USP14: variants seen among roughly 807,000 people sequenced by gnomAD.
USP14 encodes the protein ubiquitin specific peptidase 14, also known as ubiquitin carboxyl-terminal hydrolase 14.
A neutral mutation model predicts 76.5 loss-of-function variants in USP14; 38 were observed. That is an observed-to-expected ratio of 0.50 (90% CI 0.38 to 0.65). The LOEUF is 0.65. Among genes scored for constraint, USP14 ranks in the 30% least tolerant of loss-of-function variants. The pLI is 0.00. For synonymous variants in USP14, 192 were observed against 191.7 expected, an observed-to-expected ratio of 1.00 and a Z score of -0.01; for missense variants, 467 against 586.5, an observed-to-expected ratio of 0.80 and a Z score of 2.10.
At chr18:167,268 G>A (rs1348483069) in intron 3 of USP14, among the ~76,000 whole-genome samples, 3 of 152,094 alleles carry the variant, frequency 2.0e-5, no homozygotes, top group Non-Finnish European at 4.4e-5. Flanking sequence ...GCAACAGAGC[G>A]AGACTCCGTC....
intron 5 of USP14, 46 bp from the exon 6 acceptor site, chr18:192,796 A>G (rs1225204786): frequency 8.8e-6 from 14 of 1,585,504 alleles, no homozygotes; most frequent in Non-Finnish European, 1.2e-5. Context: ...TTTGAGTGTT[A>G]GAATGAATTG....
intron 10 of USP14, among the ~76,000 whole-genome samples, chr18:199,817 ATGT>A (rs1335075474): frequency 2.6e-5 from 4 of 152,228 alleles, no homozygotes; most frequent in Non-Finnish European, 5.9e-5. Context: ...GTTGATGAAA[ATGT>A]TGTGATCAAA....
rs1367262381 is a variant in USP14, at chr18:199,430, C to A, written c.876+114C>A. 4 of 706,714 alleles carry A rather than the reference C, an allele frequency of 5.7e-6. No individual in the cohort carries two copies. The African/African-American group carries it at 7.2e-5, about 13-fold the overall frequency. 43.8% of individuals were successfully genotyped at this position (706,714 alleles called of 1,614,324 possible). ...ATTTGTAGACATGTGCAGAGCAATA[C>A]GCATTTTGAGTTGCCCGATACACAC... On this transcript the variant is annotated intron_variant, in intron 10 of 15. Transcript: ENST00000261601.
chr18:176,754 G>C (rs1909638403), intron 3 of USP14, among the ~76,000 whole-genome samples: 1 of 151,938 alleles, frequency 6.6e-6, no homozygotes, highest in Admixed American at 6.6e-5. Context: ...ATTCTTTTAT[G>C]AATATTAATT....
At chr18:192,492 G>C (rs542094171) in intron 5 of USP14, among the ~76,000 whole-genome samples, 2 of 152,266 alleles carry the variant, frequency 1.3e-5, no homozygotes, top group African/African-American at 4.8e-5. Flanking sequence ...TTGAACCCAG[G>C]AGGTAGAGGT....
intron 10 of USP14, among the ~76,000 whole-genome samples, chr18:200,179 G>C (rs1415223670): frequency 1.3e-5 from 2 of 152,144 alleles, no homozygotes; most frequent in East Asian, 3.8e-4. Flanking sequence ...TTTTTCCTTA[G>C]AGATAGTTGT....
chr18:158,866 T>G, intron 1 of USP14, 152 bp downstream of exon 1: 11 of 1,169,728 alleles, frequency 9.4e-6, no homozygotes, highest in Non-Finnish European at 1.1e-5. Context: ...CCAGGCACCG[T>G]CCCCTCTCCC....
chr18:178,888 A>G (rs1909703028), intron 3 of USP14, 45 bp from the exon 4 acceptor site: 3 of 1,464,354 alleles, frequency 2.0e-6, no homozygotes, highest in Non-Finnish European at 2.8e-6. Context: ...CATAAACATT[A>G]CCAACTTTTA....
intron 3 of USP14, among the ~76,000 whole-genome samples, chr18:169,450 A>C (rs1909380586): frequency 6.6e-6 from 1 of 151,228 alleles, no homozygotes; most frequent in South Asian, 2.1e-4. Flanking sequence ...ACATTTTGTT[A>C]AGTGTTTTTT....
chr18:197,657 A>G lies in USP14; in HGVS notation c.636A>G (p.Gln212=). Residue 212 remains glutamine (Q), a synonymous_variant, in exon 8 of 16, where the codon CAA becomes CAG. Transcript: ENST00000261601. ...ECWIQMMRVL[Q]QKLEAIEDDS... ...GGATACAAATGATGCGAGTATTGCA[A>G]CAGAAATTGGAAGCAATAGAGGATG... 1 of 1,613,042 alleles carries G rather than the reference A, an allele frequency of 6.2e-7. No homozygotes were observed. The highest frequency in any genetic ancestry group is 8.5e-7 in the Non-Finnish European group (1 of 1,179,440).
intron 13 of USP14, among the ~76,000 whole-genome samples, chr18:206,035 T>G (rs1017598710): frequency 3.3e-5 from 5 of 152,154 alleles, no homozygotes; most frequent in Admixed American, 3.3e-4. Flanking sequence ...GTGTACAGGT[T>G]TTAATGTAAA....
At chr18:207,972 A>G (rs906947329) in intron 13 of USP14, among the ~76,000 whole-genome samples, 29 of 152,032 alleles carry the variant, frequency 1.9e-4, no homozygotes, top group African/African-American at 7.0e-4. Flanking sequence ...GTTTTTATCC[A>G]TTAGTGTTTT....
In USP14 at chr18:158,567, C is replaced by A; in HGVS notation, c.-132C>A. On this transcript the variant is annotated 5_prime_UTR_variant, in exon 1 of 16. Transcript: ENST00000261601. ...GCCAGTGGCCGGTTTGAATGAGACT[C>A]GTCGCACCGAAGCCGCCGCCACCAC... 1.1e-6 allele frequency: 1 copy of A among 884,352 alleles called. No individual in the cohort carries two copies. Among genetic ancestry groups the A allele is most frequent in the Non-Finnish European group, 1.7e-6 (1 of 597,160 alleles). The allele number at this position is 884,352 out of a possible 1,614,324, so 54.8% of individuals were successfully genotyped here.
At chr18:198,318 A>G (rs548327681) in intron 9 of USP14, among the ~76,000 whole-genome samples, 186 bp downstream of exon 9, 1 of 152,066 alleles carries the variant, frequency 6.6e-6, no homozygotes, top group East Asian at 1.9e-4. Context: ...ACTCACTGCA[A>G]CCTCCACCTC....
chr18:203,917 T>C (rs1001144546), intron 12 of USP14, among the ~76,000 whole-genome samples: 1 of 152,038 alleles, frequency 6.6e-6, no homozygotes, highest in African/African-American at 2.4e-5. Context: ...GCCCAAAGAG[T>C]ACTTAAATTG....
At chr18:196,167 T>C (rs1910227806) in intron 6 of USP14, among the ~76,000 whole-genome samples, 1 of 150,618 alleles carries the variant, frequency 6.6e-6, no homozygotes, top group African/African-American at 2.4e-5. Flanking sequence ...CTAAAAAAAA[T>C]GCAAAAATTA....
chr18:171,025 A>AAAAAAAAAAAAAAATAT (rs1327304974), intron 3 of USP14, among the ~76,000 whole-genome samples: 4 of 47,680 alleles, frequency 8.4e-5, no homozygotes, highest in African/African-American at 3.5e-4. Flanking sequence ...AAAAAAAAAA[A>AAAAAAAAAAAAAAATAT]ATATATATAT....
intron 5 of USP14, among the ~76,000 whole-genome samples, chr18:183,374 T>C (rs541499098): frequency 9.9e-5 from 15 of 152,012 alleles, no homozygotes; most frequent in Non-Finnish European, 1.9e-4. Context: ...GTGGGTTTTA[T>C]TTATCTTATA....
intron 13 of USP14, among the ~76,000 whole-genome samples, chr18:207,019 T>C (rs891945356): frequency 1.3e-5 from 2 of 150,306 alleles, no homozygotes; most frequent in African/African-American, 4.8e-5. Flanking sequence ...TTCAGATTCA[T>C]TGTTTTGCAT....
Sources: gnomAD v4.1 joint callset for allele counts (sites outside exome capture counted in the v4.1 genomes callset) on GRCh38, gnomAD v4.1.1 for gene constraint, MANE v1.5 for transcripts, NCBI Gene and HGNC (gene_info 2026-07-23, HGNC 2026-07-21) for gene names.